INSL6: variants seen among roughly 807,000 people sequenced by gnomAD.
The protein encoded by INSL6 is insulin like 6, also known as insulin-like peptide INSL6.
Under a neutral mutation model 9.4 loss-of-function variants are expected in INSL6, and 16 were observed. The ratio of observed to expected loss-of-function variants is 1.70; its 90% confidence interval spans 1.15 to 2.59. The LOEUF is 2.59. Among genes scored for constraint, INSL6 ranks in the 30% most tolerant of loss-of-function variants. INSL6 has a pLI of 0.00. For synonymous variants in INSL6, 154 were observed against 96.9 expected, an observed-to-expected ratio of 1.59 and a Z score of -3.46; for missense variants, 391 against 257.3, an observed-to-expected ratio of 1.52 and a Z score of -3.56.
At chr9:5,039,488 G>T in the INSL6 span, among the ~76,000 whole-genome samples, 1 of 152,082 alleles carries the variant, frequency 6.6e-6, no homozygotes, top group African/African-American at 2.4e-5. Flanking sequence ...ATGAGTATTT[G>T]CAGATTTTGG....
rs528746285 is a variant in INSL6, at chr9:5,173,533, C to A, written c.290-9268G>T. Among the ~76,000 whole-genome samples the A allele has an allele frequency of 1.6e-3, 244 of 152,180 alleles. 1 individual carries two copies. Among genetic ancestry groups the A allele is most frequent in the Middle Eastern group, 3.4e-3 (1 of 294 alleles). On this transcript the variant is annotated intron_variant, in intron 1 of 1. Coordinates refer to ENST00000381641, the MANE Select transcript of INSL6 (RefSeq NM_007179.3). ...AAGAGAAAACCAAACACAGCAAGTTCTCCCTTATAAGTGGGAGCTGAACAA... is the reference window on the plus strand; with the variant it reads ...AAGAGAAAACCAAACACAGCAAGTTATCCCTTATAAGTGGGAGCTGAACAA...
the INSL6 span, among the ~76,000 whole-genome samples, chr9:4,999,161 T>C: frequency 6.6e-6 from 1 of 152,168 alleles, no homozygotes; most frequent in Admixed American, 6.5e-5. Flanking sequence ...GTCATGTGTG[T>C]ACTTCTGACG....
At chr9:5,151,681 C>T (rs1261093926) in intron 2 of INSL6, among the ~76,000 whole-genome samples, 3 of 151,740 alleles carry the variant, frequency 2.0e-5, no homozygotes, top group African/African-American at 7.3e-5. Flanking sequence ...ATAGGAGAAA[C>T]AAAATGTAAT....
the INSL6 span, among the ~76,000 whole-genome samples, chr9:5,018,224 T>C: frequency 6.6e-6 from 1 of 152,226 alleles, no homozygotes; most frequent in Non-Finnish European, 1.5e-5. Context: ...TTTTCTATAG[T>C]GATAACATTT....
At chr9:5,159,712 C>T (rs1029601397), downstream of INSL6, among the ~76,000 whole-genome samples, 1 of 152,210 alleles carries the variant, frequency 6.6e-6, no homozygotes, top group Non-Finnish European at 1.5e-5. Flanking sequence ...GACTTCAACA[C>T]CCTGCTTTCA....
chr9:5,147,842 C>G (rs746417828), intron 2 of INSL6, among the ~76,000 whole-genome samples: 4 of 152,156 alleles, frequency 2.6e-5, no homozygotes, highest in Non-Finnish European at 4.4e-5. Context: ...TCCATTAATA[C>G]TTCTGATTGT....
At chr9:5,022,331 CGT>C in the INSL6 span, 10 of 618,310 alleles carry the variant, frequency 1.6e-5, no homozygotes, top group African/African-American at 5.6e-5. Context: ...GTATGGCTGG[CGT>C]GTGTGTTTTC....
the INSL6 span, chr9:5,111,205 G>C: frequency 9.6e-6 from 6 of 626,348 alleles, no homozygotes; most frequent in Admixed American, 4.3e-5. Flanking sequence ...ACCGGGACTC[G>C]GAGGCAAGAG....
intron 1 of INSL6, among the ~76,000 whole-genome samples, chr9:5,178,353 C>G (rs963888948): frequency 7.9e-5 from 12 of 152,166 alleles, no homozygotes; most frequent in Admixed American, 1.3e-4. Context: ...GCTGTTCCAG[C>G]TTGCTGGTTG....
At chr9:5,106,825 C>T in the INSL6 span, among the ~76,000 whole-genome samples, 8 of 152,138 alleles carry the variant, frequency 5.3e-5, no homozygotes, top group African/African-American at 1.9e-4. Flanking sequence ...TGCATGTTCT[C>T]ACTCATAGGT....
chr9:5,173,000 C>G (rs1825217036), intron 1 of INSL6, among the ~76,000 whole-genome samples: 1 of 151,386 alleles, frequency 6.6e-6, no homozygotes, highest in Admixed American at 6.6e-5. Context: ...ATGCAGCCAA[C>G]AGACATTTGA....
the INSL6 span, among the ~76,000 whole-genome samples, chr9:5,012,216 G>T: frequency 6.6e-6 from 1 of 152,264 alleles, no homozygotes; most frequent in South Asian, 2.1e-4. Flanking sequence ...GCCCCTGCCT[G>T]TACACAACAG....
the INSL6 span, among the ~76,000 whole-genome samples, chr9:5,102,553 T>C: frequency 2.0e-5 from 3 of 152,086 alleles, no homozygotes; most frequent in African/African-American, 4.8e-5. Flanking sequence ...TCCACAAAGA[T>C]ACTCCTCGAG....
At chr9:5,163,020 G>C (rs1170879164), downstream of INSL6, among the ~76,000 whole-genome samples, 1 of 152,166 alleles carries the variant, frequency 6.6e-6, no homozygotes, top group Non-Finnish European at 1.5e-5. Flanking sequence ...ATTGAGTTGA[G>C]ATATGCAAGC....
At chr9:5,150,046 G>A (rs1346633332) in intron 2 of INSL6, among the ~76,000 whole-genome samples, 1 of 152,190 alleles carries the variant, frequency 6.6e-6, no homozygotes, top group Non-Finnish European at 1.5e-5. Context: ...ATAGCCCTGT[G>A]CAGAAGAATC....
the INSL6 span, among the ~76,000 whole-genome samples, chr9:5,051,798 C>G: frequency 6.6e-6 from 1 of 152,074 alleles, no homozygotes; most frequent in Non-Finnish European, 1.5e-5. Flanking sequence ...GCCATGTCAT[C>G]AAAACAGTTA....
intron 2 of INSL6, among the ~76,000 whole-genome samples, chr9:5,154,027 C>A (rs564278672): frequency 6.6e-6 from 1 of 152,278 alleles, no homozygotes; most frequent in East Asian, 1.9e-4. Flanking sequence ...CAATCCTATG[C>A]ACAAAGAACA....
the INSL6 span, among the ~76,000 whole-genome samples, chr9:5,023,988 G>A: frequency 6.6e-6 from 1 of 152,124 alleles, no homozygotes; most frequent in Non-Finnish European, 1.5e-5. Flanking sequence ...CGGGCACGGT[G>A]GCTTACACCT....
chr9:5,150,306 C>A (rs1358668588), intron 2 of INSL6, among the ~76,000 whole-genome samples: 2 of 152,126 alleles, frequency 1.3e-5, no homozygotes, highest in East Asian at 3.8e-4. Context: ...AACAAACATA[C>A]AACCTACAGA....
Sources: gnomAD v4.1 joint callset for allele counts (sites outside exome capture counted in the v4.1 genomes callset) on GRCh38, gnomAD v4.1.1 for gene constraint, MANE v1.5 for transcripts, NCBI Gene and HGNC (gene_info 2026-07-23, HGNC 2026-07-21) for gene names.